XIRP2: variants seen among roughly 807,000 people sequenced by gnomAD.
XIRP2 encodes the protein xin actin binding repeat containing 2, also known as xin actin-binding repeat-containing protein 2.
A neutral mutation model predicts 277.0 loss-of-function variants in XIRP2; 236 were observed. That is an observed-to-expected ratio of 0.85 (90% CI 0.77 to 0.95). XIRP2 has a LOEUF of 0.95. Among genes scored for constraint, XIRP2 ranks in the 40% least tolerant of loss-of-function variants. The pLI is 0.00. For synonymous variants in XIRP2, 1,490 were observed against 1,416.5 expected (o/e 1.05, Z -1.17); for missense variants, 4,640 against 4,157.5 (o/e 1.12, Z -3.19).
chr2:166,915,318 A>AG (rs979269131), intron 2 of XIRP2, among the ~76,000 whole-genome samples: 3 of 150,986 alleles, frequency 2.0e-5, no homozygotes, highest in African/African-American at 7.3e-5. Context: ...AAAAAAAAAA[A>AG]AAAAGAAAAA....
intron 2 of XIRP2, chr2:167,123,764 A>C (rs757466101): frequency 5.9e-5 from 9 of 152,154 alleles, no homozygotes; most frequent in African/African-American, 1.2e-4. Flanking sequence ...TGAGGAAACT[A>C]GTCAGACTGG....
At chr2:167,003,659 C>T (rs900016075) in intron 2 of XIRP2, among the ~76,000 whole-genome samples, 5 of 151,754 alleles carry the variant, frequency 3.3e-5, no homozygotes, top group African/African-American at 9.7e-5. Flanking sequence ...AAGAAAGTGA[C>T]ACAGAATGGT....
intron 2 of XIRP2, among the ~76,000 whole-genome samples, chr2:167,052,533 C>T (rs1055215790): frequency 6.6e-6 from 1 of 152,072 alleles, no homozygotes; most frequent in African/African-American, 2.4e-5. Context: ...AATCAGTTAA[C>T]CCACAGGATA....
At chr2:167,138,403 A>AAGGTGCTAT (rs1434088399) in intron 3 of XIRP2, among the ~76,000 whole-genome samples, 2 of 152,160 alleles carry the variant, frequency 1.3e-5, no homozygotes, top group Non-Finnish European at 2.9e-5. Flanking sequence ...ACAGCACAGA[A>AAGGTGCTAT]AGGTGCTATG....
chr2:166,964,973 GTCT>G (rs1245782083), intron 2 of XIRP2, among the ~76,000 whole-genome samples: 1 of 151,656 alleles, frequency 6.6e-6, no homozygotes, highest in Non-Finnish European at 1.5e-5. Flanking sequence ...GCTGATCATC[GTCT>G]TTAAGAGACA....
chr2:167,119,279 T>C (rs1690984713), intron 2 of XIRP2, among the ~76,000 whole-genome samples: 2 of 152,218 alleles, frequency 1.3e-5, no homozygotes, highest in Non-Finnish European at 2.9e-5. Flanking sequence ...GGAAGGTGTT[T>C]TGAGGAGACT....
chr2:167,213,904 G>T (rs1338971081), intron 4 of XIRP2, among the ~76,000 whole-genome samples: 1 of 151,896 alleles, frequency 6.6e-6, no homozygotes, highest in Admixed American at 6.6e-5. Flanking sequence ...TAGTACCAGG[G>T]GTAGCAGGAA....
At chr2:166,905,959 A>T (rs1287813505) in intron 2 of XIRP2, among the ~76,000 whole-genome samples, 1 of 151,972 alleles carries the variant, frequency 6.6e-6, no homozygotes, top group Non-Finnish European at 1.5e-5. Context: ...TTTCTTTCTC[A>T]TGTGACTACT....
At chr2:167,138,197 A>G (rs2105320626) in intron 3 of XIRP2, among the ~76,000 whole-genome samples, 1 of 152,338 alleles carries the variant, frequency 6.6e-6, no homozygotes, top group East Asian at 1.9e-4. Flanking sequence ...TTGAGGCAGT[A>G]TTTATTTGTA....
rs778033407 is a variant in XIRP2 at position 166,998,624 on chromosome 2, G to A, written c.408+94734G>A. On this transcript the variant is annotated intron_variant, in intron 2 of 10. Transcript: ENST00000409195. ...TGCACTCCAGCCTGGGTGAAAGAGCGAGACTCCATCTCAAAAAAACAAAAC... is the reference window on the plus strand; with the variant it reads ...TGCACTCCAGCCTGGGTGAAAGAGCAAGACTCCATCTCAAAAAAACAAAAC... Among the ~76,000 whole-genome samples, 10 of 152,132 alleles carry A rather than the reference G, an allele frequency of 6.6e-5. No homozygotes were observed. In the East Asian group the frequency reaches 9.7e-4, roughly 15 times the overall value.
chr2:166,900,988 GGA>G (rs1272842829), intron 1 of XIRP2, among the ~76,000 whole-genome samples: 2 of 152,218 alleles, frequency 1.3e-5, no homozygotes, highest in East Asian at 3.9e-4. Context: ...GAAAGTAGTT[GGA>G]GAGAGAGACA....
intron 2 of XIRP2, among the ~76,000 whole-genome samples, chr2:166,997,010 C>A (rs1203594389): frequency 6.6e-6 from 1 of 152,082 alleles, no homozygotes; most frequent in Admixed American, 6.6e-5. Flanking sequence ...AATGAACAGT[C>A]CTAGATATGA....
Position 167,127,339 on chromosome 2 carries a change from A to C in XIRP2, c.409-8570A>C, listed in dbSNP as rs188989274. Among the ~76,000 whole-genome samples the C allele has an allele frequency of 1.5e-4, 23 of 152,320 alleles. No homozygotes were observed. The East Asian group carries it at 3.1e-3, about 20-fold the overall frequency. On this transcript the variant is annotated intron_variant, in intron 2 of 10. Transcript: ENST00000409195. ...CGATTTTCCAGCAGATGGCAGTAAC[A>C]TGATCTGGTCTAATGAAATCAGTAC...
rs1050653598 is a variant in XIRP2 at position 166,925,601 on chromosome 2, A to G, written c.408+21711A>G. Among the ~76,000 whole-genome samples the G allele has an allele frequency of 9.6e-4, 79 of 82,426 alleles. No homozygotes were observed. The African/African-American group carries it at 0.012, about 12-fold the overall frequency. 54.1% of individuals were successfully genotyped at this position (82,426 alleles called of 152,430 possible). ...TGTGTGTGTATGTGTATATACATAT[A>G]TATATATATATATATATATATATAT... On this transcript the variant is annotated intron_variant, in intron 2 of 10. Transcript: ENST00000409195.
At chr2:167,222,351 G>C (rs1694458246) in intron 5 of XIRP2, among the ~76,000 whole-genome samples, 2 of 152,220 alleles carry the variant, frequency 1.3e-5, no homozygotes, top group African/African-American at 4.8e-5. Flanking sequence ...CTCTGAAGGA[G>C]AGAGTTAGGT....
At chr2:167,236,230 T>G (rs1218527564) in intron 5 of XIRP2, among the ~76,000 whole-genome samples, 18 of 151,866 alleles carry the variant, frequency 1.2e-4, no homozygotes, top group Admixed American at 1.2e-3. Context: ...ACAATAATAG[T>G]GAGTCGCCAT....
At chr2:167,065,498 C>T (rs1418381788) in intron 2 of XIRP2, among the ~76,000 whole-genome samples, 2 of 151,766 alleles carry the variant, frequency 1.3e-5, no homozygotes, top group Admixed American at 6.6e-5. Context: ...CTTTGAAACA[C>T]AAACTTTTTT....
chr2:167,160,380 T>C (rs1015341885), intron 3 of XIRP2, among the ~76,000 whole-genome samples: 2 of 152,202 alleles, frequency 1.3e-5, no homozygotes, highest in East Asian at 3.9e-4. Flanking sequence ...ACTGGCATTA[T>C]ACTGTTTAAC....
intron 2 of XIRP2, among the ~76,000 whole-genome samples, chr2:167,014,269 A>G (rs1687762972): frequency 6.6e-6 from 1 of 151,740 alleles, no homozygotes; most frequent in Non-Finnish European, 1.5e-5. Flanking sequence ...ATAAACAAAA[A>G]TAAAAGTCCA....
Sources: allele counts gnomAD v4.1 joint callset (sites outside exome capture counted in the v4.1 genomes callset), GRCh38; gene constraint gnomAD v4.1.1; transcripts MANE v1.5; gene names NCBI Gene and HGNC (gene_info 2026-07-23, HGNC 2026-07-21).